RNF126: variants seen among roughly 807,000 people sequenced by gnomAD.
The protein encoded by RNF126 is ring finger protein 126, also known as E3 ubiquitin-protein ligase RNF126.
RNF126 carries 20 observed loss-of-function variants against 41.9 expected under a neutral mutation model. The ratio of observed to expected loss-of-function variants is 0.48; its 90% CI spans 0.34 to 0.69. The LOEUF (loss-of-function observed/expected upper bound fraction) is 0.69. Among genes scored for constraint, RNF126 ranks in the 30% least tolerant of loss-of-function variants. The probability of loss-of-function intolerance (pLI) is 0.01; values close to 1 mark genes in which losing one functional copy is unlikely to be tolerated. For synonymous variants in RNF126, 239 were observed against 202.9 expected (o/e 1.18, Z -1.51); for missense variants, 433 against 460.6 (o/e 0.94, Z 0.55).
Position 648,356 on chromosome 19 carries a change from TGGGCGGGG to T in RNF126, c.786+8_786+15del. Reference sequence around the variant, plus strand: ...GCCGCGGTCGGGGTGGGGGGGCGGGTGGGCGGGGCACTCACCTGCTCCAGCCAGGGCAC... The same window carrying T: ...GCCGCGGTCGGGGTGGGGGGGCGGGTCACTCACCTGCTCCAGCCAGGGCAC... On this transcript the variant is annotated splice_region_variant and intron_variant, in intron 8 of 8. Transcript: ENST00000292363. 5.7e-6 allele frequency: 1 copy of T among 174,908 alleles called. No homozygotes were observed. The highest frequency in any genetic ancestry group is 9.5e-6 in the Non-Finnish European group (1 of 105,482). 10.8% of individuals were successfully genotyped at this position (174,908 alleles called of 1,614,324 possible).
intron 6 of RNF126, 122 bp downstream of exon 6, chr19:649,534 CCTGTGCCCGCCAGAGCGTGGAGG>C: frequency 3.1e-6 from 2 of 641,608 alleles, no homozygotes; most frequent in South Asian, 1.9e-5. Context: ...GGAGCTGCCC[CCTGTGCCCGCCAGAGCGTGGAGG>C]CTGTGCCCGC....
chr19:655,999 A>G (rs1015582538), intron 1 of RNF126, among the ~76,000 whole-genome samples: 7 of 152,048 alleles, frequency 4.6e-5, no homozygotes, highest in African/African-American at 1.4e-4. Context: ...GCCGAGCCAC[A>G]GAGACAGAGA....
rs989082807 is a variant in RNF126 at position 647,997 on chromosome 19, G to A, written c.*131C>T. 1.7e-6 allele frequency: 2 copies of A among 1,151,894 alleles called. No individual in the cohort carries two copies. Among genetic ancestry groups the A allele is most frequent in the African/African-American group, 3.1e-5 (2 of 63,976 alleles). The allele number at this position is 1,151,894 out of a possible 1,614,324, so 71.4% of individuals were successfully genotyped here. A position where few individuals can be genotyped will look rare whatever the true frequency, so the allele number is the denominator to read the frequency against. On this transcript the variant is annotated 3_prime_UTR_variant, in exon 9 of 9. Transcript: ENST00000292363. The stretch of plus-strand genomic sequence containing the variant: ...TGGGCCGGGCCCGGGTCCTGCCCTG[G>A]AACAGGCGGGACCTGCAGCGCTGAC...
At chr19:651,124 C>T (rs1421263241) in intron 4 of RNF126, among the ~76,000 whole-genome samples, 2 of 147,314 alleles carry the variant, frequency 1.4e-5, no homozygotes, top group South Asian at 2.1e-4. Flanking sequence ...ACGGCTCCCC[C>T]AGGCTCTGTT....
rs1291691042 is a variant in RNF126 at position 648,969 on chromosome 19, T to C, written c.583A>G (p.Asn195Asp). 1.4e-6 allele frequency: 2 copies of C among 1,394,522 alleles called. No individual in the cohort carries two copies. The highest frequency in any genetic ancestry group is 5.8e-5 in the Admixed American group (2 of 34,454). The allele number at this position is 1,394,522 out of a possible 1,614,324, so 86.4% of individuals were successfully genotyped here. ...GGGGGGCCTGTGTTTTCAAACTGAT[T>C]GAGGAGCTGAAAGACAAGAGGCGAG... ...GLDAIITQLL[N>D]QFENTGPPPA... Residue 195 changes from asparagine to aspartate, a missense_variant, in exon 7 of 9, where the codon AAT (asparagine) becomes GAT (aspartate). This residue lies in a region of RNF126 where 97 missense variants were observed against 121.7 expected (regional missense o/e 0.80). Coordinates refer to ENST00000292363, the MANE Select transcript of RNF126 (RefSeq NM_194460.3).
intron 1 of RNF126, among the ~76,000 whole-genome samples, chr19:662,042 G>A (rs552004000): frequency 6.6e-6 from 1 of 152,274 alleles, no homozygotes; most frequent in East Asian, 1.9e-4. Flanking sequence ...ACCACCGCCG[G>A]GCACGGTGGC....
At chr19:649,180 A>T in intron 6 of RNF126, 1 of 192,270 alleles carries the variant, frequency 5.2e-6, no homozygotes, top group South Asian at 1.6e-4. Context: ...GAATGGGGGA[A>T]TGGGCGGAGG....
rs2030727071 is a variant in RNF126, at chr19:659,976, G to GTTTACCAGGTTAGC, written c.75+3070_75+3071insGCTAACCTGGTAAA. ...GATGGGGTTTTACCATGTTAGCCAG[G>GTTTACCAGGTTAGC]CTGGTCTCGAACTCCTGACCTCAGG... On this transcript the variant is annotated intron_variant, in intron 1 of 8. Coordinates refer to ENST00000292363, the MANE Select transcript of RNF126 (RefSeq NM_194460.3). This position sits in a 1 kb window ranked among gnomAD's most constrained non-coding sequence, Gnocchi z 4.9. Among the ~76,000 whole-genome samples the GTTTACCAGGTTAGC allele has an allele frequency of 6.6e-6, 1 of 152,162 alleles. No homozygotes were observed. Among genetic ancestry groups the GTTTACCAGGTTAGC allele is most frequent in the African/African-American group, 2.4e-5 (1 of 41,428 alleles).
chr19:648,625 G>C, intron 7 of RNF126, 138 bp from the exon 8 acceptor site: 1 of 725,828 alleles, frequency 1.4e-6, no homozygotes, highest in Non-Finnish European at 2.3e-6. Context: ...TGTCCCCCGG[G>C]CTGCCAGAGG....
Position 651,879 on chromosome 19 carries a change from C to T in RNF126, c.199-24G>A, listed in dbSNP as rs766929531. 4.4e-6 allele frequency: 7 copies of T among 1,593,666 alleles called. 1 individual carries two copies. In the South Asian group the frequency reaches 6.7e-5, roughly 15 times the overall value. On this transcript the variant is annotated intron_variant, in intron 3 of 8. Transcript: ENST00000292363. ...TGCTGGGGAGAGGAGGGGGGCGTGA[C>T]CTCGGGGGCTCAGGCCCGTGCAGTC...
At chr19:651,546 C>G in intron 4 of RNF126, 65 bp downstream of exon 4, 1 of 1,363,718 alleles carries the variant, frequency 7.3e-7, no homozygotes, top group Admixed American at 3.4e-5. Context: ...GTGCTGGATT[C>G]TAAGCGCCAG....
intron 1 of RNF126, among the ~76,000 whole-genome samples, chr19:654,761 G>A (rs933640362): frequency 6.6e-6 from 1 of 150,742 alleles, no homozygotes; most frequent in Non-Finnish European, 1.5e-5. Context: ...GAGGCCAGGA[G>A]TTCGAGACCA....
At position 647,802 on chromosome 19, in the gene RNF126, C is replaced by T; in HGVS notation, c.*326G>A. The T allele has an allele frequency of 2.4e-6, 1 of 414,164 alleles. No individual in the cohort carries two copies. The highest frequency in any genetic ancestry group is 4.6e-6 in the Non-Finnish European group (1 of 218,838). 25.7% of individuals were successfully genotyped at this position (414,164 alleles called of 1,614,324 possible). ...GTCTTCCGCCACAAACCATGCATGG[C>T]CGCCACGTGAGCTCAAACGTCCGTT... On this transcript the variant is annotated 3_prime_UTR_variant, in exon 9 of 9. Transcript: ENST00000292363.
chr19:662,105 G>C (rs2030828093), intron 1 of RNF126, among the ~76,000 whole-genome samples: 2 of 152,150 alleles, frequency 1.3e-5, no homozygotes, highest in South Asian at 4.1e-4. Flanking sequence ...AATCGCTTGA[G>C]CCCAGGAGTT....
intron 1 of RNF126, among the ~76,000 whole-genome samples, chr19:660,910 A>G (rs1191612649): frequency 3.3e-5 from 5 of 152,246 alleles, no homozygotes; most frequent in Non-Finnish European, 7.3e-5. Flanking sequence ...GCACAAGCAG[A>G]TGCCCTTGGG....
rs1052866057 is a variant in RNF126, at chr19:648,191, G to A, written c.873C>T (p.Ser291=). The change falls in exon 9 of 9, where the codon TCC becomes TCT. Residue 291 remains serine, a synonymous_variant. Coordinates refer to ENST00000292363, the MANE Select transcript of RNF126 (RefSeq NM_194460.3). ...TGGAGGAGGACGATGACGACGAGGA[G>A]GAGAAGCTCACCCCAGTGAGGCCAG... ...NPPGLTGVSF[S]SSSSSSSSSS... 41 of 1,607,522 alleles carry A rather than the reference G, an allele frequency of 2.6e-5. No individual in the cohort carries two copies. Among genetic ancestry groups the A allele is most frequent in the Non-Finnish European group, 3.3e-5 (39 of 1,176,578 alleles).
chr19:658,168 G>A (rs1434581994), intron 1 of RNF126, among the ~76,000 whole-genome samples: 1 of 152,136 alleles, frequency 6.6e-6, no homozygotes, highest in African/African-American at 2.4e-5. Context: ...AGCCAGGGTA[G>A]GGGGGACCCT....
rs566974599 is a variant in RNF126, at chr19:648,132, G to A, written c.932C>T (p.Ser311Leu). ...TTCCCGACGGCCGACGTGGGCTCAC[G>A]AGTTGCTTGTGGCGTTCTCGTTGCT... ...SPSNENATSN[S>L] Residue 311 changes from serine (S) to leucine (L), a missense_variant, in exon 9 of 9, where the codon TCG becomes TTG. This residue lies in a region of RNF126 where 63 missense variants were observed against 47.9 expected (regional missense o/e 1.32). Transcript: ENST00000292363. The A allele has an allele frequency of 2.1e-5, 34 of 1,583,428 alleles. No homozygotes were observed. The highest frequency in any genetic ancestry group is 2.0e-4 in the African/African-American group (15 of 74,534).
intron 1 of RNF126, among the ~76,000 whole-genome samples, chr19:657,508 G>A (rs1312632114): frequency 6.6e-6 from 1 of 152,168 alleles, no homozygotes; most frequent in African/African-American, 2.4e-5. Flanking sequence ...GCACTGTCCA[G>A]AACCCTCTCT....
Sources: gnomAD v4.1 joint callset for allele counts (sites outside exome capture counted in the v4.1 genomes callset) on GRCh38, gnomAD v4.1.1 for gene constraint, gnomAD v4.1.1 regional missense constraint, Gnocchi (gnomAD v3.1) non-coding constraint, MANE v1.5 for transcripts, NCBI Gene and HGNC (gene_info 2026-07-23, HGNC 2026-07-21) for gene names.